The following SUPT3H variants were observed in gnomAD, a reference collection of about 807,000 sequenced individuals.
SUPT3H encodes SPT3 homolog, SAGA and STAGA complex component, also known as transcription initiation protein SPT3 homolog.
A neutral mutation model predicts 44.3 loss-of-function variants in SUPT3H; 44 were observed. The ratio of observed to expected loss-of-function variants is 0.99; its 90% CI spans 0.78 to 1.28. The LOEUF (loss-of-function observed/expected upper bound fraction) is 1.28, where lower values mean the gene tolerates loss of function less well. SUPT3H is among the 50% of genes most tolerant of loss of function. SUPT3H has a pLI of 0.00. For synonymous variants in SUPT3H, 124 were observed against 125.6 expected, an observed-to-expected ratio of 0.99 and a Z score of 0.09; for missense variants, 380 against 387.1, an observed-to-expected ratio of 0.98 and a Z score of 0.15.
intron 2 of SUPT3H, among the ~76,000 whole-genome samples, chr6:45,345,239 A>T (rs1244648609): frequency 6.6e-6 from 1 of 152,170 alleles, no homozygotes; most frequent in East Asian, 1.9e-4. Context: ...TGTTCACTTG[A>T]TTGTTAAAGA....
Position 44,995,835 on chromosome 6 carries a change from T to TA in SUPT3H, c.504+7817dup, listed in dbSNP as rs5875903. ...ATTAAGAGAAACATAACAGAGATGG[T>TA]AAATATGTAAATTCAAAACAGCATA... On this transcript the variant is annotated intron_variant, in intron 6 of 10. Transcript: ENST00000371459. Among the ~76,000 whole-genome samples, 1,306 of 152,072 alleles carry TA rather than the reference T, an allele frequency of 8.6e-3. 23 individuals are homozygous for TA. Among genetic ancestry groups the TA allele is most frequent in the African/African-American group, 0.03 (1,230 of 41,538 alleles).
intron 2 of SUPT3H, among the ~76,000 whole-genome samples, chr6:45,113,881 C>T (rs541945576): frequency 6.6e-6 from 1 of 150,646 alleles, no homozygotes; most frequent in Non-Finnish European, 1.5e-5. Context: ...GATTTCCTAG[C>T]AGTGATGATT....
chr6:44,843,093 C>G (rs1159838699), intron 10 of SUPT3H, among the ~76,000 whole-genome samples: 4 of 151,976 alleles, frequency 2.6e-5, no homozygotes, highest in African/African-American at 9.7e-5. Flanking sequence ...AGGACACATG[C>G]AATTCAGTGT....
chr6:44,869,505 G>C (rs1776019406), intron 10 of SUPT3H, among the ~76,000 whole-genome samples: 1 of 150,672 alleles, frequency 6.6e-6, no homozygotes, highest in African/African-American at 2.5e-5. Context: ...CACGTATGTA[G>C]GTAATTACTC....
At chr6:45,126,197 A>T (rs1454152346) in intron 2 of SUPT3H, among the ~76,000 whole-genome samples, 2 of 152,234 alleles carry the variant, frequency 1.3e-5, no homozygotes, top group Non-Finnish European at 2.9e-5. Flanking sequence ...TCTGATTTAC[A>T]GGGTGGCCCA....
chr6:45,112,430 G>A (rs528360685), intron 2 of SUPT3H, among the ~76,000 whole-genome samples: 12 of 152,118 alleles, frequency 7.9e-5, no homozygotes, highest in African/African-American at 2.6e-4. Flanking sequence ...GGGGGGTGTT[G>A]AACATATTAT....
chr6:45,216,345 A>G (rs996786638), intron 2 of SUPT3H, among the ~76,000 whole-genome samples: 4 of 152,192 alleles, frequency 2.6e-5, no homozygotes. Flanking sequence ...ATCACTGCAA[A>G]AAGAAACCCA....
intron 10 of SUPT3H, among the ~76,000 whole-genome samples, chr6:44,842,510 C>T: frequency 6.6e-6 from 1 of 151,806 alleles, no homozygotes; most frequent in East Asian, 1.9e-4. Flanking sequence ...CAGTGCTGTC[C>T]AATTGTCTTG....
chr6:45,315,150 A>C (rs1329514729), intron 2 of SUPT3H, among the ~76,000 whole-genome samples: 3 of 152,206 alleles, frequency 2.0e-5, no homozygotes, highest in Non-Finnish European at 4.4e-5. Flanking sequence ...AGATGGATTA[A>C]GGACTTAAAT....
At chr6:45,049,133 A>G (rs771609211) in intron 3 of SUPT3H, among the ~76,000 whole-genome samples, 27 of 152,192 alleles carry the variant, frequency 1.8e-4, no homozygotes, top group Non-Finnish European at 2.8e-4. Context: ...CATAGTGTAC[A>G]TGACAAATAT....
At chr6:44,940,204 C>G (rs1454875949) in intron 9 of SUPT3H, among the ~76,000 whole-genome samples, 1 of 151,950 alleles carries the variant, frequency 6.6e-6, no homozygotes, top group African/African-American at 2.4e-5. Flanking sequence ...TTCCCTTTTG[C>G]AATGCTTTTG....
intron 3 of SUPT3H, among the ~76,000 whole-genome samples, chr6:45,096,260 A>G (rs1185750346): frequency 2.0e-5 from 3 of 152,172 alleles, no homozygotes; most frequent in Non-Finnish European, 4.4e-5. Flanking sequence ...CATTTGGTTC[A>G]AACTTATGTA....
At chr6:44,950,301 A>T (rs1774080820) in intron 9 of SUPT3H, among the ~76,000 whole-genome samples, 2 of 152,214 alleles carry the variant, frequency 1.3e-5, no homozygotes, top group African/African-American at 4.8e-5. Context: ...TACTAAAAAA[A>T]TTCCTTATCA....
chr6:45,016,670 A>C (rs1308582515), intron 4 of SUPT3H, among the ~76,000 whole-genome samples: 1 of 151,988 alleles, frequency 6.6e-6, no homozygotes. Flanking sequence ...AAAGGACATG[A>C]ACTCATCACG....
At chr6:45,181,946 A>G (rs1304558483) in intron 2 of SUPT3H, among the ~76,000 whole-genome samples, 1 of 152,024 alleles carries the variant, frequency 6.6e-6, no homozygotes, top group African/African-American at 2.4e-5. Context: ...GAAAGTGCTA[A>G]GTAAATTTAT....
At chr6:45,027,018 C>T (rs1474855957) in intron 3 of SUPT3H, among the ~76,000 whole-genome samples, 2 of 118,430 alleles carry the variant, frequency 1.7e-5, no homozygotes, top group East Asian at 2.9e-4. Context: ...GAGACAGGGT[C>T]TCACTCTGTC....
At chr6:44,829,909 G>C in intron 10 of SUPT3H, 52 bp from the exon 11 acceptor site, 5 of 1,575,016 alleles carry the variant, frequency 3.2e-6, no homozygotes, top group Non-Finnish European at 4.4e-6. Context: ...GTCAAACAAG[G>C]AAAGGAGGCA....
intron 2 of SUPT3H, chr6:45,159,056 C>T (rs762332559): frequency 1.3e-5 from 2 of 152,086 alleles, no homozygotes; most frequent in African/African-American, 2.4e-5. Flanking sequence ...GAATCCAGTC[C>T]CTACATTCCC....
intron 2 of SUPT3H, among the ~76,000 whole-genome samples, chr6:45,111,126 G>A (rs940675869): frequency 1.9e-4 from 29 of 150,840 alleles, no homozygotes; most frequent in Admixed American, 1.1e-3. Context: ...TCCACCTCCC[G>A]GCTTCAAGCA....
Sources: gnomAD v4.1 joint callset for allele counts (sites outside exome capture counted in the v4.1 genomes callset) on GRCh38, gnomAD v4.1.1 for gene constraint, MANE v1.5 for transcripts, NCBI Gene and HGNC (gene_info 2026-07-23, HGNC 2026-07-21) for gene names.